SLC39A10: variants seen among roughly 807,000 people sequenced by gnomAD.
SLC39A10 encodes zinc transporter ZIP10.
In SLC39A10, 13 loss-of-function variants were observed where a neutral mutation model predicts 65.1. The observed-to-expected ratio is 0.20, with a 90% confidence interval of 0.13 to 0.32. The LOEUF (loss-of-function observed/expected upper bound fraction) is 0.32. Among genes scored for constraint, SLC39A10 ranks in the 10% least tolerant of loss-of-function variants. SLC39A10 has a pLI of 1.00. For synonymous variants in SLC39A10, 321 were observed against 342.2 expected (o/e 0.94, Z 0.68); for missense variants, 831 against 1,018.4 (o/e 0.82, Z 2.50).
chr2:195,731,658 T>C, intron 9 of SLC39A10, among the ~76,000 whole-genome samples: 1 of 152,216 alleles, frequency 6.6e-6, no homozygotes, highest in East Asian at 1.9e-4. Flanking sequence ...AAGTCATAAC[T>C]ACAGTTATTT....
chr2:195,633,779 C>T (rs1379514092), intron 2 of SLC39A10, among the ~76,000 whole-genome samples: 2 of 152,152 alleles, frequency 1.3e-5, no homozygotes, highest in Admixed American at 6.5e-5. Context: ...CAAACTACTT[C>T]TCTCCAACAT....
At chr2:195,720,247 A>G (rs1691980274) in intron 8 of SLC39A10, among the ~76,000 whole-genome samples, 1 of 152,158 alleles carries the variant, frequency 6.6e-6, no homozygotes, top group Non-Finnish European at 1.5e-5. Context: ...CTTTTTTACC[A>G]AGGTAATGGA....
rs1692607256 is a variant in SLC39A10 at position 195,736,409 on chromosome 2, AT to A, written c.*1371del. The A allele has an allele frequency of 6.0e-6, 1 of 166,674 alleles. No individual in the cohort carries two copies. Among genetic ancestry groups the A allele is most frequent in the African/African-American group, 2.4e-5 (1 of 41,464 alleles). 10.3% of individuals were successfully genotyped at this position (166,674 alleles called of 1,614,324 possible). A position where few individuals can be genotyped will look rare whatever the true frequency, so the allele number is the denominator to read the frequency against. On this transcript the variant is annotated 3_prime_UTR_variant, in exon 10 of 10. Coordinates refer to ENST00000359634, the MANE Select transcript of SLC39A10 (RefSeq NM_020342.3). ...TCTTCATTTATGCCAGGTAAACTGT[AT>A]TTGAACTATGTGCAGCTAGCTTTGT...
At chr2:195,707,368 C>G (rs896646234) in intron 4 of SLC39A10, among the ~76,000 whole-genome samples, 1 of 152,140 alleles carries the variant, frequency 6.6e-6, no homozygotes, top group South Asian at 2.1e-4. Context: ...AGATAGCTGT[C>G]TATCACCAGC....
chr2:195,653,920 T>C (rs1689090349), upstream of SLC39A10, among the ~76,000 whole-genome samples: 1 of 152,162 alleles, frequency 6.6e-6, no homozygotes, highest in African/African-American at 2.4e-5. Context: ...TTCTTAGAAT[T>C]AGTCGTGTTC....
rs3049425 is a variant in SLC39A10 at position 195,736,880 on chromosome 2, A to ATATC, written c.*1850_*1853dup. 72,484 of 151,782 alleles carry ATATC rather than the reference A, an allele frequency of 0.48. 18,606 individuals carry two copies. Among genetic ancestry groups the ATATC allele is most frequent in the Non-Finnish European group, 0.59 (39,861 of 67,662 alleles). The allele number at this position is 151,782 out of a possible 1,614,324, so 9.4% of individuals were successfully genotyped here. A position where few individuals can be genotyped will look rare whatever the true frequency, so the allele number is the denominator to read the frequency against. On this transcript the variant is annotated 3_prime_UTR_variant, in exon 10 of 10. Coordinates refer to ENST00000359634, the MANE Select transcript of SLC39A10 (RefSeq NM_020342.3). The stretch of plus-strand genomic sequence containing the variant: ...GTACTGCCAACTTCAAGTGATTTAG[A>ATATC]TATCTATCTATCTAGATTTCTGAAC...
chr2:195,677,888 T>A (rs1690156224), intron 1 of SLC39A10, among the ~76,000 whole-genome samples: 1 of 152,112 alleles, frequency 6.6e-6, no homozygotes, highest in South Asian at 2.1e-4. Context: ...TAGCTGGGCT[T>A]ACAGGCACAT....
intron 2 of SLC39A10, among the ~76,000 whole-genome samples, chr2:195,618,077 CG>C (rs1447875500): frequency 8.5e-3 from 2 of 234 alleles, no homozygotes; most frequent in Admixed American, 0.091. Context: ...GGCTGGGTGC[CG>C]GTGCCTCACA....
chr2:195,707,429 A>G (rs1691446838), intron 4 of SLC39A10, among the ~76,000 whole-genome samples: 1 of 152,130 alleles, frequency 6.6e-6, no homozygotes, highest in African/African-American at 2.4e-5. Context: ...TATGAAAACA[A>G]TGGGGATTTT....
chr2:195,683,347 A>C (rs1050615429), intron 2 of SLC39A10, among the ~76,000 whole-genome samples: 1 of 152,100 alleles, frequency 6.6e-6, no homozygotes, highest in Non-Finnish European at 1.5e-5. Flanking sequence ...TTTCACAGAT[A>C]AGGATCTTGA....
chr2:195,654,508 A>T (rs1245103856), upstream of SLC39A10, among the ~76,000 whole-genome samples: 1 of 152,226 alleles, frequency 6.6e-6, no homozygotes, highest in African/African-American at 2.4e-5. Context: ...AATTTTAGAT[A>T]TGTGAACTAA....
chr2:195,720,946 AT>A (rs1431963442), intron 8 of SLC39A10, among the ~76,000 whole-genome samples: 5 of 152,070 alleles, frequency 3.3e-5, no homozygotes, highest in South Asian at 2.1e-4. Context: ...GATTTTATAT[AT>A]TTTTTTCCCC....
chr2:195,654,512 G>T (rs1689108238), upstream of SLC39A10, among the ~76,000 whole-genome samples: 1 of 152,168 alleles, frequency 6.6e-6, no homozygotes. Context: ...TTAGATATGT[G>T]AACTAATATT....
chr2:195,615,213 T>C (rs1399474268), intron 2 of SLC39A10, among the ~76,000 whole-genome samples: 1 of 152,142 alleles, frequency 6.6e-6, no homozygotes, highest in African/African-American at 2.4e-5. Context: ...ACTGGAGATA[T>C]CATCACAATG....
chr2:195,691,482 G>A (rs1690737411), intron 3 of SLC39A10, among the ~76,000 whole-genome samples: 1 of 152,124 alleles, frequency 6.6e-6, no homozygotes, highest in South Asian at 2.1e-4. Flanking sequence ...ATTCCCACCA[G>A]CAGTGTAGAA....
chr2:195,713,611 T>A, intron 6 of SLC39A10, 58 bp downstream of exon 6: 3 of 1,478,554 alleles, frequency 2.0e-6, no homozygotes, highest in Non-Finnish European at 2.7e-6. Flanking sequence ...TCATTCAAAT[T>A]TACATTTAAT....
At chr2:195,730,790 C>G (rs1431409748) in intron 9 of SLC39A10, among the ~76,000 whole-genome samples, 2 of 152,188 alleles carry the variant, frequency 1.3e-5, no homozygotes, top group Admixed American at 6.5e-5. Context: ...GTTGCCAACA[C>G]TACTACTTGA....
At chr2:195,635,298 C>A (rs966884048) in intron 2 of SLC39A10, among the ~76,000 whole-genome samples, 5 of 152,104 alleles carry the variant, frequency 3.3e-5, no homozygotes, top group Non-Finnish European at 5.9e-5. Flanking sequence ...TATGGCCAGA[C>A]TTGTGTCATG....
At chr2:195,731,317 C>T (rs879767988) in intron 9 of SLC39A10, among the ~76,000 whole-genome samples, 4 of 152,154 alleles carry the variant, frequency 2.6e-5, no homozygotes, top group Admixed American at 2.6e-4. Flanking sequence ...TTCCTGCAGA[C>T]GTCCTCATGG....
Sources: allele counts gnomAD v4.1 joint callset (sites outside exome capture counted in the v4.1 genomes callset), GRCh38; gene constraint gnomAD v4.1.1; transcripts MANE v1.5; gene names NCBI Gene and HGNC (gene_info 2026-07-23, HGNC 2026-07-21).